Variants in ZNF705G observed in about 807,000 individuals in gnomAD.
ZNF705G encodes putative zinc finger protein 705G.
In ZNF705G, 23 loss-of-function variants were observed where a neutral mutation model predicts 19.6. The observed-to-expected ratio is 1.17, with a 90% confidence interval of 0.84 to 1.66. ZNF705G has a LOEUF of 1.66. Ranked by LOEUF, ZNF705G falls within the 40% of genes most tolerant of loss-of-function variation. The pLI is 0.00. For synonymous variants in ZNF705G, 146 were observed against 117.7 expected (o/e 1.24, Z -1.56); for missense variants, 457 against 354.4 (o/e 1.29, Z -2.32).
chr8:7,363,332 C>T (rs1338359318), intron 2 of ZNF705G, among the ~76,000 whole-genome samples: 3 of 148,250 alleles, frequency 2.0e-5, no homozygotes, highest in Admixed American at 6.6e-5. Flanking sequence ...GGATCCCTGA[C>T]TCCATCCACA....
At chr8:7,366,763 C>G in intron 2 of ZNF705G, among the ~76,000 whole-genome samples, 1 of 149,380 alleles carries the variant, frequency 6.7e-6, no homozygotes. Context: ...TATAGAGAAG[C>G]AGAATATAAT....
At chr8:7,367,257 C>G (rs11994800) in intron 2 of ZNF705G, among the ~76,000 whole-genome samples, 2 of 148,474 alleles carry the variant, frequency 1.3e-5, no homozygotes, top group Non-Finnish European at 2.9e-5. Flanking sequence ...GGCTCTTCCC[C>G]TACCCACTAG....
Position 7,358,179 on chromosome 8 carries a change from C to T in ZNF705G, c.700G>A (p.Gly234Arg), listed in dbSNP as rs772957179. The T allele has an allele frequency of 3.1e-6, 5 of 1,607,434 alleles. No individual in the cohort carries two copies. The African/African-American group carries it at 4.2e-5, about 14-fold the overall frequency. Residue 234 changes from glycine to arginine, a missense_variant, in exon 7 of 7, where the codon GGG becomes AGG. Coordinates refer to ENST00000400156, the MANE Select transcript of ZNF705G (RefSeq NM_001164457.3). ...GQRPYKCHQY[G>R]KVFIQSFNLQ... ...TTAAAGGATTGAATAAAGACTTTCC[C>T]ATATTGATGACACTTATATGGTCTC...
chr8:7,365,227 T>A (rs1233391402), intron 2 of ZNF705G, among the ~76,000 whole-genome samples: 1 of 149,570 alleles, frequency 6.7e-6, no homozygotes, highest in Admixed American at 6.6e-5. Flanking sequence ...CTTAAAAACT[T>A]ATGTTATGGG....
At position 7,357,946 on chromosome 8, in the gene ZNF705G, T is replaced by C. The variant is rs373453566; in HGVS notation, c.*30A>G. Reference sequence around the variant, plus strand: ...CTTTCCCACATAAATGGCATTCATATGGCTTTTCTCCAGTGCGTGTTCTCT... The same window carrying C: ...CTTTCCCACATAAATGGCATTCATACGGCTTTTCTCCAGTGCGTGTTCTCT... On this transcript the variant is annotated 3_prime_UTR_variant, in exon 7 of 7. Coordinates refer to ENST00000400156, the MANE Select transcript of ZNF705G (RefSeq NM_001164457.3). The C allele has an allele frequency of 8.3e-4, 1,330 of 1,607,584 alleles. 59 individuals are homozygous for C. In the South Asian group the frequency reaches 0.014, roughly 17 times the overall value.
At position 7,357,484 on chromosome 8, in the gene ZNF705G, C is replaced by T. The variant is rs1410131576; in HGVS notation, c.*492G>A. On this transcript the variant is annotated 3_prime_UTR_variant, in exon 7 of 7. Transcript: ENST00000400156. ...TTTGACAATAAATTGCAAATAAAAA[C>T]ATTTTCACACTGAATGCAGAGTTAG... 5.8e-6 allele frequency: 1 copy of T among 171,850 alleles called. No homozygotes were observed. Among genetic ancestry groups the T allele is most frequent in the Admixed American group, 5.5e-5 (1 of 18,204 alleles). The allele number at this position is 171,850 out of a possible 1,614,324, so 10.6% of individuals were successfully genotyped here.
In ZNF705G at chr8:7,361,115, G is replaced by C. The variant is rs557920970; in HGVS notation, c.134C>G (p.Ser45Cys). Reference protein sequence around the residue: ...VMLENISHLVSLGYQISKSYI... With the variant: ...VMLENISHLVCLGYQISKSYI... ...ATGAATGTTCAGGGACTCACCGAGG[G>C]ACACCAGGTGACTGATATTTTCCAG... Residue 45 changes from serine to cysteine, a missense_variant, in exon 4 of 7, where the codon TCC (serine) becomes TGC (cysteine). Coordinates refer to ENST00000400156, the MANE Select transcript of ZNF705G (RefSeq NM_001164457.3). The C allele has an allele frequency of 6.3e-7, 1 of 1,592,554 alleles. No homozygotes were observed. Among genetic ancestry groups the C allele is most frequent in the East Asian group, 2.2e-5 (1 of 44,864 alleles).
intron 1 of ZNF705G, among the ~76,000 whole-genome samples, chr8:7,383,350 G>A (rs749418792): frequency 1.4e-5 from 2 of 146,736 alleles, no homozygotes; most frequent in African/African-American, 2.8e-5. Context: ...CTCCACATCT[G>A]TGTTGCTTTA....
intron 2 of ZNF705G, among the ~76,000 whole-genome samples, chr8:7,370,558 T>G (rs1193502874): frequency 6.8e-6 from 1 of 146,686 alleles, no homozygotes; most frequent in African/African-American, 2.7e-5. Flanking sequence ...ATTTTTTAAA[T>G]AAAACTACCT....
intron 2 of ZNF705G, among the ~76,000 whole-genome samples, chr8:7,379,276 C>T (rs1458446569): frequency 6.8e-6 from 1 of 147,448 alleles, no homozygotes; most frequent in South Asian, 2.1e-4. Context: ...CAACTCAACC[C>T]TATGGAAGTG....
intron 2 of ZNF705G, among the ~76,000 whole-genome samples, chr8:7,369,873 C>T (rs1197094249): frequency 2.0e-5 from 3 of 148,834 alleles, no homozygotes; most frequent in Non-Finnish European, 4.4e-5. Context: ...ACAACAGATA[C>T]TGGGAACTAC....
intron 2 of ZNF705G, among the ~76,000 whole-genome samples, chr8:7,365,424 G>T (rs1186535656): frequency 4.2e-5 from 6 of 143,228 alleles, no homozygotes; most frequent in Non-Finnish European, 7.4e-5. Flanking sequence ...TGTTGCCCAG[G>T]CTGGAGTGCA....
At position 7,361,710 on chromosome 8, in the gene ZNF705G, T is replaced by A. The variant is rs1260987477; in HGVS notation, c.13-474A>T. On this transcript the variant is annotated intron_variant, in intron 3 of 6. Coordinates refer to ENST00000400156, the MANE Select transcript of ZNF705G (RefSeq NM_001164457.3). The stretch of plus-strand genomic sequence containing the variant: ...ACCAATCAAATGGTTAAAAGACCTA[T>A]GATGTGTTTTGAATAATCTAATGAA... 6.0e-5 allele frequency among the ~76,000 whole-genome samples: 9 copies of A among 149,742 alleles called. 1 individual carries two copies. The highest frequency in any genetic ancestry group is 2.3e-4 in the African/African-American group (9 of 39,152).
At chr8:7,380,309 A>G (rs1330947137) in intron 2 of ZNF705G, among the ~76,000 whole-genome samples, 1 of 146,832 alleles carries the variant, frequency 6.8e-6, no homozygotes, top group Non-Finnish European at 1.5e-5. Context: ...CCACTACCCA[A>G]GGTCGTTGTC....
At chr8:7,361,956 A>C (rs1017521860) in intron 3 of ZNF705G, among the ~76,000 whole-genome samples, 1 of 149,654 alleles carries the variant, frequency 6.7e-6, no homozygotes, top group Admixed American at 6.6e-5. Context: ...TAGCAGCACA[A>C]GACAAGACCG....
rs115410552 is a variant in ZNF705G at position 7,357,299 on chromosome 8, C to T, written c.*677G>A. On this transcript the variant is annotated 3_prime_UTR_variant, in exon 7 of 7. Coordinates refer to ENST00000400156, the MANE Select transcript of ZNF705G (RefSeq NM_001164457.3). ...AATTCATTGCCCTTGGAAAGATTTT[C>T]CCTTCTTATTTAGCTCATGAAGGCT... 5,132 of 151,414 alleles carry T rather than the reference C, an allele frequency of 0.034. 701 individuals are homozygous for T. The highest frequency in any genetic ancestry group is 0.12 in the African/African-American group (4,577 of 38,958). 9.4% of individuals were successfully genotyped at this position (151,414 alleles called of 1,614,324 possible).
rs1806335652 is a variant in ZNF705G, at chr8:7,357,665, A to G, written c.*311T>C. ...ACATGTCATACAATTTCTCTTCCAT[A>G]TGAATTTATTGATGTGGACTGAAGA... On this transcript the variant is annotated 3_prime_UTR_variant, in exon 7 of 7. Coordinates refer to ENST00000400156, the MANE Select transcript of ZNF705G (RefSeq NM_001164457.3). The G allele has an allele frequency of 2.0e-6, 1 of 493,064 alleles. No individual in the cohort carries two copies. Among genetic ancestry groups the G allele is most frequent in the Non-Finnish European group, 3.5e-6 (1 of 283,554 alleles). The allele number at this position is 493,064 out of a possible 1,614,324, so 30.5% of individuals were successfully genotyped here. A position where few individuals can be genotyped will look rare whatever the true frequency, so the allele number is the denominator to read the frequency against.
intron 2 of ZNF705G, among the ~76,000 whole-genome samples, chr8:7,365,063 T>C (rs1451935350): frequency 1.3e-5 from 2 of 149,520 alleles, no homozygotes; most frequent in East Asian, 3.8e-4. Flanking sequence ...ATACAGACTG[T>C]GCCAGGGACA....
intron 2 of ZNF705G, among the ~76,000 whole-genome samples, chr8:7,370,596 C>T (rs1382718458): frequency 7.7e-5 from 11 of 143,492 alleles, no homozygotes; most frequent in Non-Finnish European, 1.5e-4. Flanking sequence ...GATATAAGAA[C>T]ACTTTTACAC....
Sources: gnomAD v4.1 joint callset for allele counts (sites outside exome capture counted in the v4.1 genomes callset) on GRCh38, gnomAD v4.1.1 for gene constraint, MANE v1.5 for transcripts, NCBI Gene and HGNC (gene_info 2026-07-23, HGNC 2026-07-21) for gene names.